The following SLC16A1 variants were observed in gnomAD, a reference collection of about 807,000 sequenced individuals.
SLC16A1 encodes the protein monocarboxylate transporter 1.
In SLC16A1, 11 loss-of-function variants were observed where a neutral mutation model predicts 32.2. The ratio of observed to expected loss-of-function variants is 0.34; its 90% CI spans 0.21 to 0.56. SLC16A1 has a LOEUF of 0.56. Ranked by LOEUF, SLC16A1 falls within the 20% of genes least tolerant of loss-of-function variation. The pLI, the probability that SLC16A1 is intolerant of heterozygous loss-of-function variation, is 0.87. For missense variants in SLC16A1, 435 were observed against 615.0 expected, an observed-to-expected ratio of 0.71 and a Z score of 3.10; for synonymous variants, 231 against 226.8, an observed-to-expected ratio of 1.02 and a Z score of -0.17.
intron 2 of SLC16A1, chr1:112,924,195 G>A: frequency 1.3e-6 from 2 of 1,513,018 alleles, no homozygotes; most frequent in East Asian, 2.3e-5. Context: ...TGCCCACGGG[G>A]ACGCAGTCAT....
At chr1:112,951,687 A>G (rs1259739600) in intron 1 of SLC16A1, among the ~76,000 whole-genome samples, 1 of 152,226 alleles carries the variant, frequency 6.6e-6, no homozygotes. Flanking sequence ...TAAATATTCT[A>G]AATACTAAAA....
intron 1 of SLC16A1, among the ~76,000 whole-genome samples, chr1:112,939,234 A>G (rs1010759044): frequency 3.7e-4 from 56 of 152,138 alleles, no homozygotes; most frequent in African/African-American, 1.4e-3. Context: ...AAGAACAAGA[A>G]TTGGTAAGGA....
chr1:112,944,253 C>T (rs1440293900), intron 1 of SLC16A1, among the ~76,000 whole-genome samples: 2 of 152,122 alleles, frequency 1.3e-5, no homozygotes, highest in African/African-American at 2.4e-5. Flanking sequence ...GAGTTCAAGA[C>T]CAGCCTTGGC....
At chr1:112,946,647 G>A (rs111694639) in intron 1 of SLC16A1, among the ~76,000 whole-genome samples, 3 of 152,198 alleles carry the variant, frequency 2.0e-5, no homozygotes, top group Non-Finnish European at 2.9e-5. Flanking sequence ...TCCGCCCCTC[G>A]GGCTCAAGCA....
chr1:112,919,489 T>C (rs1419358347), intron 3 of SLC16A1, among the ~76,000 whole-genome samples: 1 of 152,148 alleles, frequency 6.6e-6, no homozygotes, highest in Admixed American at 6.5e-5. Flanking sequence ...CCAGAACAAA[T>C]TATTTAAATG....
chr1:112,925,464 C>T (rs778648063), intron 2 of SLC16A1, among the ~76,000 whole-genome samples: 7 of 152,014 alleles, frequency 4.6e-5, no homozygotes, highest in Non-Finnish European at 1.0e-4. Flanking sequence ...ACTGCAGCCT[C>T]GACCTCCTGG....
At position 112,924,019 on chromosome 1, in the gene SLC16A1, T is replaced by C. The variant is rs1648837728; in HGVS notation, c.218-1886A>G. ...AGGAAACAGCCCATGGGCCGCTTCT[T>C]TGGGACTCAATGGGCAGAGATCTAC... On this transcript the variant is annotated intron_variant, in intron 2 of 4. Transcript: ENST00000369626. 12 of 1,346,216 alleles carry C rather than the reference T, an allele frequency of 8.9e-6. No individual in the cohort carries two copies. The South Asian group carries it at 9.3e-5, about 10-fold the overall frequency. The allele number at this position is 1,346,216 out of a possible 1,614,324, so 83.4% of individuals were successfully genotyped here.
At chr1:112,941,076 C>T (rs1371501755) in intron 1 of SLC16A1, among the ~76,000 whole-genome samples, 1 of 152,076 alleles carries the variant, frequency 6.6e-6, no homozygotes, top group Non-Finnish European at 1.5e-5. Flanking sequence ...GAAAAACTAC[C>T]TATTGGGTTC....
intron 1 of SLC16A1, among the ~76,000 whole-genome samples, chr1:112,950,822 C>G (rs1003000951): frequency 1.3e-5 from 2 of 152,072 alleles, no homozygotes; most frequent in Admixed American, 6.5e-5. Context: ...CATAGTGAGA[C>G]CCTATCACTA....
chr1:112,924,263 G>A, intron 2 of SLC16A1: 8 of 1,482,402 alleles, frequency 5.4e-6, no homozygotes, highest in Non-Finnish European at 7.5e-6. Context: ...CAGAGGAAGG[G>A]CCCCTGGAGC....
At chr1:112,945,052 G>A (rs1233153179) in intron 1 of SLC16A1, among the ~76,000 whole-genome samples, 1 of 149,106 alleles carries the variant, frequency 6.7e-6, no homozygotes, top group African/African-American at 2.5e-5. Flanking sequence ...AGGCTGGAGT[G>A]CAGTGGCGTG....
chr1:112,923,631 C>G (rs896028292), intron 2 of SLC16A1: 2 of 1,435,952 alleles, frequency 1.4e-6, no homozygotes, highest in East Asian at 2.3e-5. Context: ...CCGGTTCCAG[C>G]TGGAGACGTC....
chr1:112,916,278 C>G (rs955903564), intron 4 of SLC16A1, among the ~76,000 whole-genome samples: 3 of 149,900 alleles, frequency 2.0e-5, no homozygotes, highest in African/African-American at 7.4e-5. Context: ...GGCGGGTGGA[C>G]CACCTGAGGT....
chr1:112,919,562 G>A (rs541182845), intron 3 of SLC16A1, among the ~76,000 whole-genome samples: 61 of 152,264 alleles, frequency 4.0e-4, no homozygotes, highest in African/African-American at 1.2e-3. Flanking sequence ...GTAAAAATTC[G>A]TCAGTGAAAG....
chr1:112,938,079 A>G (rs959430857), intron 1 of SLC16A1, among the ~76,000 whole-genome samples: 1 of 152,184 alleles, frequency 6.6e-6, no homozygotes, highest in African/African-American at 2.4e-5. Context: ...AGTATTCATC[A>G]TGTTCTGTAC....
At position 112,948,474 on chromosome 1, in the gene SLC16A1, AT is replaced by A. The variant is rs200924945; in HGVS notation, c.-45+7560del. Among the ~76,000 whole-genome samples the A allele has an allele frequency of 1.2e-3, 185 of 151,070 alleles. 1 individual carries two copies. The East Asian group carries it at 0.017, about 14-fold the overall frequency. ...TTATTTTATTAGAAATATACAATAT[AT>A]TTTTTTTTAGATGGAGTCTAGCCTA... On this transcript the variant is annotated intron_variant, in intron 1 of 4. Transcript: ENST00000369626.
intron 1 of SLC16A1, among the ~76,000 whole-genome samples, chr1:112,947,485 T>C (rs1052073577): frequency 7.2e-5 from 11 of 152,308 alleles, no homozygotes; most frequent in Middle Eastern, 3.4e-3. Context: ...CAGAGAAAGC[T>C]TTTCCTTTTC....
Position 112,918,053 on chromosome 1 carries a change from A to G in SLC16A1, c.362-9T>C. 1 of 1,295,864 alleles carries G rather than the reference A, an allele frequency of 7.7e-7. No homozygotes were observed. The highest frequency in any genetic ancestry group is 3.4e-5 in the Admixed American group (1 of 29,598). 80.3% of individuals were successfully genotyped at this position (1,295,864 alleles called of 1,614,324 possible). A position where few individuals can be genotyped will look rare whatever the true frequency, so the allele number is the denominator to read the frequency against. ...GAAGGCAAGCCCAAGACCTGTGAAG[A>G]CAATAAATAAATAAATAAATAAATA... is the stretch of plus-strand genomic sequence containing the variant. On this transcript the variant is annotated splice_polypyrimidine_tract_variant and intron_variant, in intron 3 of 4. Transcript: ENST00000369626.
At position 112,914,058 on chromosome 1, in the gene SLC16A1, G is replaced by T. The variant is rs766172980; in HGVS notation, c.1336C>A (p.Arg446=). The T allele has an allele frequency of 6.2e-7, 1 of 1,614,076 alleles. No homozygotes were observed. Among genetic ancestry groups the T allele is most frequent in the East Asian group, 2.2e-5 (1 of 44,886 alleles). Residue 446 remains arginine (R), a synonymous_variant, in exon 5 of 5, where the codon CGA becomes AGA. Coordinates refer to ENST00000369626, the MANE Select transcript of SLC16A1 (RefSeq NM_003051.4). ...YLFIGMGINY[R]LLAKEQKANE... The stretch of plus-strand genomic sequence containing the variant: ...GCTTTCTGTTCTTTTGCCAAAAGTC[G>T]ATAATTGATGCCCATGCCAATGAAG...
Sources: allele counts gnomAD v4.1 joint callset (sites outside exome capture counted in the v4.1 genomes callset), GRCh38; gene constraint gnomAD v4.1.1; transcripts MANE v1.5; gene names NCBI Gene and HGNC (gene_info 2026-07-23, HGNC 2026-07-21).